ZMYND11: variants seen among roughly 807,000 people sequenced by gnomAD.
ZMYND11 encodes the protein zinc finger MYND domain-containing protein 11.
Under a neutral mutation model 84.9 loss-of-function variants are expected in ZMYND11, and 9 were observed. That is an observed-to-expected ratio of 0.11 (90% confidence interval 0.06 to 0.18). The LOEUF is 0.18. Among genes scored for constraint, ZMYND11 ranks in the 10% least tolerant of loss-of-function variants. The pLI, the probability that ZMYND11 is intolerant of heterozygous loss-of-function variation, is 1.00. For synonymous variants in ZMYND11, 250 were observed against 244.1 expected (o/e 1.02, Z -0.23); for missense variants, 409 against 761.0 (o/e 0.54, Z 5.44).
chr10:223,960 A>G (rs1200238991), intron 4 of ZMYND11, among the ~76,000 whole-genome samples: 2 of 151,936 alleles, frequency 1.3e-5, no homozygotes, highest in African/African-American at 4.8e-5. Flanking sequence ...TTTTTTTTCA[A>G]TGTTTGGAAA....
At chr10:211,504 G>T (rs1011895936) in intron 3 of ZMYND11, among the ~76,000 whole-genome samples, 2 of 152,172 alleles carry the variant, frequency 1.3e-5, no homozygotes, top group African/African-American at 4.8e-5. Context: ...ATACTAACCT[G>T]TGAAGCCTGA....
At chr10:163,054 G>A (rs939793376) in intron 1 of ZMYND11, among the ~76,000 whole-genome samples, 29 of 152,128 alleles carry the variant, frequency 1.9e-4, no homozygotes, top group Non-Finnish European at 3.5e-4. Flanking sequence ...CCTGAGAAAA[G>A]GTGCATAAAT....
chr10:171,676 C>T (rs1463548167), intron 1 of ZMYND11, among the ~76,000 whole-genome samples: 1 of 151,996 alleles, frequency 6.6e-6, no homozygotes, highest in Middle Eastern at 3.2e-3. Context: ...TTGACAAAAC[C>T]CAACATTCTT....
chr10:207,568 T>C (rs1363619886), intron 2 of ZMYND11, among the ~76,000 whole-genome samples: 6 of 152,336 alleles, frequency 3.9e-5, no homozygotes, highest in Middle Eastern at 3.4e-3. Context: ...GTGGTTTTGA[T>C]TGGCATTTCT....
chr10:224,092 G>A (rs938610406), intron 4 of ZMYND11, among the ~76,000 whole-genome samples: 15 of 152,198 alleles, frequency 9.9e-5, no homozygotes, highest in Non-Finnish European at 2.1e-4. Context: ...ACAATGAAAA[G>A]AAGCCCTTTT....
intron 1 of ZMYND11, among the ~76,000 whole-genome samples, chr10:152,819 A>T (rs1045260657): frequency 6.6e-6 from 1 of 152,170 alleles, no homozygotes; most frequent in African/African-American, 2.4e-5. Context: ...GAAGTAAAGC[A>T]CTCCTCAGCA....
intron 3 of ZMYND11, among the ~76,000 whole-genome samples, chr10:211,418 G>A (rs967930035): frequency 6.6e-6 from 1 of 151,774 alleles, no homozygotes; most frequent in African/African-American, 2.4e-5. Flanking sequence ...CTTATAATTG[G>A]TTCTTTGTGG....
chr10:170,978 AG>A (rs1218480731), intron 1 of ZMYND11, among the ~76,000 whole-genome samples: 1 of 152,178 alleles, frequency 6.6e-6, no homozygotes, highest in African/African-American at 2.4e-5. Flanking sequence ...GAAGAGATAA[AG>A]AATATAGCAT....
chr10:251,915 G>A (rs1261178762), intron 14 of ZMYND11, among the ~76,000 whole-genome samples: 2 of 152,160 alleles, frequency 1.3e-5, no homozygotes, highest in African/African-American at 2.4e-5. Flanking sequence ...CCTGCTAGCA[G>A]CATATTAGTG....
intron 1 of ZMYND11, among the ~76,000 whole-genome samples, chr10:137,300 C>CA (rs1554752523): frequency 6.6e-6 from 1 of 152,020 alleles, no homozygotes; most frequent in African/African-American, 2.4e-5. Context: ...CCAGGTGGCC[C>CA]ATTCAGGACC....
intron 2 of ZMYND11, among the ~76,000 whole-genome samples, chr10:205,992 TC>T (rs753987273): frequency 2.0e-5 from 3 of 151,700 alleles, no homozygotes; most frequent in Non-Finnish European, 1.5e-5. Context: ...TCAGGATAAA[TC>T]AATAGACCTG....
At chr10:180,253 C>T in intron 2 of ZMYND11, 125 bp downstream of exon 2, 1 of 612,174 alleles carries the variant, frequency 1.6e-6, no homozygotes. Context: ...ACACTTTTTG[C>T]TTTGCAGGAG....
chr10:164,631 A>G (rs1195112723), intron 1 of ZMYND11, among the ~76,000 whole-genome samples: 2 of 152,172 alleles, frequency 1.3e-5, no homozygotes, highest in African/African-American at 4.8e-5. Flanking sequence ...CTCAGATTCC[A>G]TTTGTCAAAT....
chr10:237,512 T>G, intron 5 of ZMYND11, 73 bp from the exon 6 acceptor site: 36 of 904,688 alleles, frequency 4.0e-5, no homozygotes, highest in Non-Finnish European at 5.1e-5. Context: ...GAAAATATTT[T>G]GAGCTTTAGG....
chr10:186,107 T>C (rs1242616398), intron 2 of ZMYND11, among the ~76,000 whole-genome samples: 1 of 151,580 alleles, frequency 6.6e-6, no homozygotes, highest in African/African-American at 2.4e-5. Context: ...CCTCCCGGGT[T>C]CACACCATTC....
At chr10:191,366 T>C (rs7084534) in intron 2 of ZMYND11, among the ~76,000 whole-genome samples, 31 of 152,244 alleles carry the variant, frequency 2.0e-4, no homozygotes, top group African/African-American at 7.5e-4. Flanking sequence ...CTTTGAAGTT[T>C]TCAAAACATG....
intron 4 of ZMYND11, among the ~76,000 whole-genome samples, chr10:231,123 C>T (rs534320915): frequency 3.5e-4 from 54 of 152,318 alleles, no homozygotes; most frequent in Non-Finnish European, 5.9e-4. Context: ...GCATTATTCA[C>T]GATTGCTTTG....
At chr10:154,502 C>T (rs995426080) in intron 1 of ZMYND11, among the ~76,000 whole-genome samples, 1 of 152,138 alleles carries the variant, frequency 6.6e-6, no homozygotes, top group Admixed American at 6.5e-5. Context: ...AGCATGGTCA[C>T]GGAGGCCCCA....
intron 1 of ZMYND11, among the ~76,000 whole-genome samples, chr10:161,931 G>C (rs1229380252): frequency 1.3e-5 from 2 of 152,144 alleles, no homozygotes; most frequent in Non-Finnish European, 2.9e-5. Context: ...TTTCCTTCAA[G>C]AACTTTACCT....
Sources: allele counts gnomAD v4.1 joint callset (sites outside exome capture counted in the v4.1 genomes callset), GRCh38; gene constraint gnomAD v4.1.1; transcripts MANE v1.5; gene names NCBI Gene and HGNC (gene_info 2026-07-23, HGNC 2026-07-21).